Variants in CACNA2D1 observed in about 807,000 individuals in gnomAD.
CACNA2D1 encodes voltage-dependent calcium channel subunit alpha-2/delta-1.
Under a neutral mutation model 171.5 loss-of-function variants are expected in CACNA2D1, and 53 were observed. That is an observed-to-expected ratio of 0.31 (90% CI 0.25 to 0.39). The LOEUF is 0.39. Ranked by LOEUF, CACNA2D1 falls within the 10% of genes least tolerant of loss-of-function variation. The probability of loss-of-function intolerance (pLI) is 1.00; values close to 1 mark genes in which losing one functional copy is unlikely to be tolerated. For missense variants in CACNA2D1, 903 were observed against 1,299.8 expected (o/e 0.69, Z 4.69); for synonymous variants, 442 against 443.1 (o/e 1.00, Z 0.03).
chr7:81,969,768 T>C (rs1045087706), intron 28 of CACNA2D1, 113 bp downstream of exon 28: 3 of 699,494 alleles, frequency 4.3e-6, no homozygotes, highest in African/African-American at 1.8e-5. Context: ...TTTTTAATGA[T>C]GACTATTCTG....
rs138034373 is a variant in CACNA2D1, at chr7:82,103,450, T to C, written c.526+13594A>G. On this transcript the variant is annotated intron_variant, in intron 6 of 38. Coordinates refer to ENST00000356860, the MANE Select transcript of CACNA2D1 (RefSeq NM_000722.4). Reference sequence around the variant, plus strand: ...TTGAAAGGCAGAGAAAGGAATATTATAACACTGTGGTTATGGCATTTTTTT... The same window carrying C: ...TTGAAAGGCAGAGAAAGGAATATTACAACACTGTGGTTATGGCATTTTTTT... Among the ~76,000 whole-genome samples the C allele has an allele frequency of 1.9e-3, 288 of 152,314 alleles. 2 individuals are homozygous for C. The highest frequency in any genetic ancestry group is 3.0e-3 in the Non-Finnish European group (204 of 68,024).
At chr7:82,261,089 G>GGAT (rs1259222566) in intron 3 of CACNA2D1, among the ~76,000 whole-genome samples, 15 of 152,024 alleles carry the variant, frequency 9.9e-5, no homozygotes, top group African/African-American at 3.6e-4. Context: ...CAAGTAGCTA[G>GGAT]GATTACAGGT....
intron 3 of CACNA2D1, among the ~76,000 whole-genome samples, chr7:82,177,942 G>A (rs902533764): frequency 2.6e-5 from 4 of 152,014 alleles, no homozygotes; most frequent in African/African-American, 9.7e-5. Flanking sequence ...AATGTACAAG[G>A]TATAATGTAA....
At chr7:82,132,255 TGAGTA>T (rs1364625465) in intron 5 of CACNA2D1, among the ~76,000 whole-genome samples, 2 of 152,190 alleles carry the variant, frequency 1.3e-5, no homozygotes, top group Non-Finnish European at 2.9e-5. Context: ...CTCAGATGAA[TGAGTA>T]GAGTGTTTGC....
intron 1 of CACNA2D1, among the ~76,000 whole-genome samples, chr7:82,435,849 C>A (rs1307415796): frequency 6.6e-6 from 1 of 152,112 alleles, no homozygotes; most frequent in Non-Finnish European, 1.5e-5. Flanking sequence ...AATATGAGCA[C>A]TGCTCATCCC....
At chr7:82,129,604 CTCTT>C (rs1456050925) in intron 5 of CACNA2D1, among the ~76,000 whole-genome samples, 3 of 152,134 alleles carry the variant, frequency 2.0e-5, no homozygotes, top group African/African-American at 7.2e-5. Context: ...AGATCATTGA[CTCTT>C]TCTTTGGGGA....
rs547237941 is a variant in CACNA2D1 at position 82,017,909 on chromosome 7, G to A, written c.1144-3430C>T. On this transcript the variant is annotated intron_variant, in intron 12 of 38. Coordinates refer to ENST00000356860, the MANE Select transcript of CACNA2D1 (RefSeq NM_000722.4). ...AGGAGGTCTACATCCAGGCTAAGGC[G>A]ACTTTTGTGGAGAAAAAATTCCTTT... Among the ~76,000 whole-genome samples the A allele has an allele frequency of 5.3e-5, 8 of 152,164 alleles. No individual in the cohort carries two copies. The South Asian group carries it at 1.0e-3, about 20-fold the overall frequency.
At chr7:82,068,804 G>A (rs566901092) in intron 7 of CACNA2D1, among the ~76,000 whole-genome samples, 16 of 152,128 alleles carry the variant, frequency 1.1e-4, no homozygotes, top group East Asian at 5.8e-4. Flanking sequence ...ATTGTTTACC[G>A]ATCACATTCA....
At chr7:82,397,536 A>G (rs2129451361) in intron 1 of CACNA2D1, among the ~76,000 whole-genome samples, 1 of 152,330 alleles carries the variant, frequency 6.6e-6, no homozygotes, top group East Asian at 1.9e-4. Context: ...AAAAATACAG[A>G]AGTCTATGCT....
intron 5 of CACNA2D1, among the ~76,000 whole-genome samples, chr7:82,129,336 C>T (rs560584958): frequency 6.6e-6 from 1 of 152,236 alleles, no homozygotes; most frequent in South Asian, 2.1e-4. Context: ...CCATTAAATC[C>T]TTGATGATTA....
intron 24 of CACNA2D1, among the ~76,000 whole-genome samples, chr7:81,979,801 T>C (rs949165997): frequency 1.3e-5 from 2 of 152,128 alleles, no homozygotes; most frequent in African/African-American, 4.8e-5. Flanking sequence ...CAAGTATTAT[T>C]AGTGATACAA....
intron 18 of CACNA2D1, among the ~76,000 whole-genome samples, chr7:82,002,067 C>T (rs1397565989): frequency 2.1e-5 from 2 of 97,340 alleles, no homozygotes; most frequent in African/African-American, 8.1e-5. Context: ...AGAGAAATAA[C>T]AATTTTCTCA....
At chr7:82,311,895 G>A (rs555312878) in intron 3 of CACNA2D1, among the ~76,000 whole-genome samples, 1 of 152,108 alleles carries the variant, frequency 6.6e-6, no homozygotes, top group South Asian at 2.1e-4. Context: ...AAAAATTCCC[G>A]ACCTTGTTGT....
chr7:82,182,812 C>T lies in CACNA2D1; in HGVS notation c.295-12203G>A, dbSNP rs150537208. Among the ~76,000 whole-genome samples, 30 of 151,904 alleles carry T rather than the reference C, an allele frequency of 2.0e-4. No homozygotes were observed. The East Asian group carries it at 5.0e-3, about 26-fold the overall frequency. On this transcript the variant is annotated intron_variant, in intron 3 of 38. Transcript: ENST00000356860. ...CAGCACTTTGGGAGGATGAGGAGGG[C>T]GGATCACGAAGTCGGGAGTTCGAGA...
intron 4 of CACNA2D1, among the ~76,000 whole-genome samples, chr7:82,141,291 C>T (rs1051170794): frequency 9.2e-5 from 14 of 151,832 alleles, no homozygotes; most frequent in African/African-American, 3.4e-4. Context: ...ACCAAATCAA[C>T]TAAATTCTGT....
intron 6 of CACNA2D1, among the ~76,000 whole-genome samples, chr7:82,091,535 G>A (rs1811164792): frequency 6.6e-6 from 1 of 152,120 alleles, no homozygotes; most frequent in African/African-American, 2.4e-5. Flanking sequence ...GAGCTCAGAA[G>A]AAATCCACTT....
chr7:82,225,682 C>T (rs556837032), intron 3 of CACNA2D1, among the ~76,000 whole-genome samples: 5 of 152,086 alleles, frequency 3.3e-5, no homozygotes, highest in South Asian at 2.1e-4. Context: ...CTTTTTGGGA[C>T]GAAGCCATCC....
intron 7 of CACNA2D1, among the ~76,000 whole-genome samples, chr7:82,076,582 C>G (rs796700396): frequency 5.3e-5 from 8 of 152,106 alleles, no homozygotes; most frequent in African/African-American, 1.9e-4. Flanking sequence ...TATTTGATCC[C>G]TTTTTCAGAT....
In CACNA2D1 at chr7:82,335,185, C is replaced by T; in HGVS notation, c.244G>A (p.Ala82Thr). 6 of 1,613,332 alleles carry T rather than the reference C, an allele frequency of 3.7e-6. No homozygotes were observed. The highest frequency in any genetic ancestry group is 3.3e-5 in the South Asian group (3 of 91,072). Residue 82 changes from alanine to threonine, a missense_variant, in exon 3 of 39, where the codon GCA becomes ACA. Ala to Thr is a moderately conservative substitution (Grantham distance 58). Coordinates refer to ENST00000356860, the MANE Select transcript of CACNA2D1 (RefSeq NM_000722.4). ...AGAAGTTTCTCAATATCCCTGGCTG[C>T]AATTTCTACCAGCTGGCGTGCATTA... ...PNNARQLVEI[A>T]ARDIEKLLSN...
Sources: allele counts gnomAD v4.1 joint callset (sites outside exome capture counted in the v4.1 genomes callset), GRCh38; gene constraint gnomAD v4.1.1; transcripts MANE v1.5; gene names NCBI Gene and HGNC (gene_info 2026-07-23, HGNC 2026-07-21).